CAMTA1: variants seen among roughly 807,000 people sequenced by gnomAD.
CAMTA1 encodes the protein calmodulin-binding transcription activator 1.
CAMTA1 carries 27 observed loss-of-function variants against 170.9 expected under a neutral mutation model. The ratio of observed to expected loss-of-function variants is 0.16; its 90% CI spans 0.12 to 0.22. The LOEUF (loss-of-function observed/expected upper bound fraction) is 0.22, where lower values mean the gene tolerates loss of function less well. Among genes scored for constraint, CAMTA1 ranks in the 10% least tolerant of loss-of-function variants. The probability of loss-of-function intolerance (pLI) is 1.00; values close to 1 mark genes in which losing one functional copy is unlikely to be tolerated. For missense variants in CAMTA1, 1,619 were observed against 2,217.2 expected (o/e 0.73, Z 5.42); for synonymous variants, 833 against 891.5 (o/e 0.93, Z 1.17).
intron 6 of CAMTA1, among the ~76,000 whole-genome samples, chr1:7,491,281 A>C (rs559139586): frequency 3.9e-5 from 6 of 152,282 alleles, no homozygotes; most frequent in Admixed American, 3.9e-4. Flanking sequence ...AGGTTTCTCA[A>C]GGAGCCTCTT....
At chr1:7,640,904 C>G (rs34225694) in intron 7 of CAMTA1, among the ~76,000 whole-genome samples, 14,963 of 152,108 alleles carry the variant, frequency 0.098, 976 homozygotes, top group African/African-American at 0.19. Context: ...AAGTATGGAA[C>G]AGGGGAGGGG....
intron 1 of CAMTA1, among the ~76,000 whole-genome samples, chr1:6,793,837 T>A (rs926643052): frequency 1.3e-5 from 2 of 152,250 alleles, no homozygotes; most frequent in African/African-American, 2.4e-5. Flanking sequence ...CAATCAAGAA[T>A]TAATGTTCTT....
chr1:6,992,647 G>T (rs1160811052), intron 3 of CAMTA1, among the ~76,000 whole-genome samples: 2 of 152,182 alleles, frequency 1.3e-5, no homozygotes, highest in Admixed American at 6.5e-5. Flanking sequence ...TTCAATTATG[G>T]CAGGAGGGAA....
At chr1:7,284,508 CT>C (rs1335742124) in intron 5 of CAMTA1, among the ~76,000 whole-genome samples, 9 of 152,166 alleles carry the variant, frequency 5.9e-5, no homozygotes, top group Admixed American at 2.0e-4. Context: ...AGGCTTGCTG[CT>C]TTTATTTTGC....
intron 1 of CAMTA1, among the ~76,000 whole-genome samples, chr1:6,801,255 T>C (rs945067121): frequency 1.3e-5 from 2 of 152,228 alleles, no homozygotes; most frequent in African/African-American, 2.4e-5. Flanking sequence ...ATGAGTGTTT[T>C]CTGATGCAAA....
rs2095114995 is a variant in CAMTA1, at chr1:7,570,700, C to T, written c.511-69700C>T. Among the ~76,000 whole-genome samples the T allele has an allele frequency of 6.6e-6, 1 of 152,222 alleles. No individual in the cohort carries two copies. The highest frequency in any genetic ancestry group is 1.5e-5 in the Non-Finnish European group (1 of 68,042). On this transcript the variant is annotated intron_variant, in intron 6 of 22. Transcript: ENST00000303635. The surrounding 1 kb of genome is among the most constrained non-coding windows in gnomAD (Gnocchi z 4.3). Reference sequence around the variant, plus strand: ...TCCTGTCAGCCTCCTGCTGTGTCAGCACAGACCCTGCCTGGGACCCCTGCT... The same window carrying T: ...TCCTGTCAGCCTCCTGCTGTGTCAGTACAGACCCTGCCTGGGACCCCTGCT...
chr1:7,134,605 GC>G (rs1645443512), intron 4 of CAMTA1, among the ~76,000 whole-genome samples: 2 of 152,140 alleles, frequency 1.3e-5, no homozygotes, highest in African/African-American at 4.8e-5. Flanking sequence ...ACCATGCCTG[GC>G]CCACATTTTC....
chr1:7,566,878 C>T (rs2095049700), intron 6 of CAMTA1, among the ~76,000 whole-genome samples: 1 of 152,344 alleles, frequency 6.6e-6, no homozygotes, highest in South Asian at 2.1e-4. Flanking sequence ...CCCGAGCACC[C>T]CCTCTGTGCC....
chr1:7,595,422 T>C (rs2095392144), intron 6 of CAMTA1, among the ~76,000 whole-genome samples: 1 of 152,240 alleles, frequency 6.6e-6, no homozygotes, highest in Non-Finnish European at 1.5e-5. Flanking sequence ...CTCCCGTCTG[T>C]AGCAAAATTA....
chr1:6,953,251 C>T (rs1239599988), intron 3 of CAMTA1, among the ~76,000 whole-genome samples: 1 of 152,202 alleles, frequency 6.6e-6, no homozygotes, highest in African/African-American at 2.4e-5. Flanking sequence ...AGACCTAGAA[C>T]AGATTCTAGA....
In CAMTA1 at chr1:7,622,299, G is replaced by GC. The variant is rs560900407; in HGVS notation, c.511-18098dup. Reference sequence around the variant, plus strand: ...AAGGCCAAGAGGGGTTAAGTAACTTGCCCAAGATCACACAGCGTTTGAAGT... The same window carrying GC: ...AAGGCCAAGAGGGGTTAAGTAACTTGCCCCAAGATCACACAGCGTTTGAAGT... On this transcript the variant is annotated intron_variant, in intron 6 of 22. Coordinates refer to ENST00000303635, the MANE Select transcript of CAMTA1 (RefSeq NM_015215.4). 7.9e-5 allele frequency among the ~76,000 whole-genome samples: 12 copies of GC among 152,308 alleles called. No homozygotes were observed. In the South Asian group the frequency reaches 2.3e-3, roughly 29 times the overall value.
intron 3 of CAMTA1, among the ~76,000 whole-genome samples, chr1:6,961,125 C>G (rs1292111287): frequency 6.6e-6 from 1 of 152,218 alleles, no homozygotes; most frequent in African/African-American, 2.4e-5. Context: ...TCATTTCACT[C>G]TTCTTTTCCC....
intron 11 of CAMTA1, among the ~76,000 whole-genome samples, chr1:7,687,447 A>T (rs2096268617): frequency 6.6e-6 from 1 of 152,094 alleles, no homozygotes; most frequent in Non-Finnish European, 1.5e-5. Flanking sequence ...AATTCAGAGA[A>T]GTGGCTGGAA....
At chr1:6,898,445 C>T (rs1462525668) in intron 3 of CAMTA1, among the ~76,000 whole-genome samples, 12 of 152,206 alleles carry the variant, frequency 7.9e-5, no homozygotes, top group South Asian at 4.2e-4. Context: ...CCCAGCTACT[C>T]GGGAGGCTGA....
intron 11 of CAMTA1, among the ~76,000 whole-genome samples, chr1:7,728,291 G>A (rs1188101239): frequency 6.6e-6 from 1 of 152,218 alleles, no homozygotes; most frequent in East Asian, 1.9e-4. Context: ...CTTGGCGGGG[G>A]GATGGGCAGG....
chr1:7,636,658 G>A (rs557823601), intron 6 of CAMTA1, among the ~76,000 whole-genome samples: 7 of 151,712 alleles, frequency 4.6e-5, no homozygotes, highest in African/African-American at 1.2e-4. Flanking sequence ...GCAGTGAGCC[G>A]AGATCATGCC....
At position 7,736,502 on chromosome 1, in the gene CAMTA1, G is replaced by A. The variant is rs1411353609; in HGVS notation, c.3225G>A (p.Gln1075=). 1.9e-6 allele frequency: 3 copies of A among 1,614,066 alleles called. No homozygotes were observed. In the African/African-American group the frequency reaches 4.0e-5, roughly 22 times the overall value. The stretch of plus-strand genomic sequence containing the variant: ...CCCTACTCCACCTGGCCGCTGCCCA[G>A]GGCTATGCCACCCTAATCCAGACCC... ...GMTLLHLAAA[Q]GYATLIQTLI... Residue 1075 remains glutamine, a synonymous_variant, in exon 13 of 23, where the codon CAG becomes CAA. Transcript: ENST00000303635. The surrounding 1 kb of genome is among the most constrained non-coding windows in gnomAD (Gnocchi z 4.5).
At chr1:7,488,731 TA>T (rs1455823490) in intron 6 of CAMTA1, among the ~76,000 whole-genome samples, 40 of 152,096 alleles carry the variant, frequency 2.6e-4, no homozygotes, top group African/African-American at 8.2e-4. Context: ...ATAGTACACA[TA>T]AATGTACACA....
chr1:6,806,818 T>G (rs1411593141), intron 1 of CAMTA1, among the ~76,000 whole-genome samples: 2 of 152,232 alleles, frequency 1.3e-5, no homozygotes, highest in Admixed American at 1.3e-4. Flanking sequence ...CATGTTACAA[T>G]AAAATTGTGA....
Sources: gnomAD v4.1 joint callset for allele counts (sites outside exome capture counted in the v4.1 genomes callset) on GRCh38, gnomAD v4.1.1 for gene constraint, Gnocchi (gnomAD v3.1) non-coding constraint, MANE v1.5 for transcripts, NCBI Gene and HGNC (gene_info 2026-07-23, HGNC 2026-07-21) for gene names.